Variants in RGL1 observed in about 807,000 individuals in gnomAD.
RGL1 encodes ral guanine nucleotide dissociation stimulator like 1.
In RGL1, 24 loss-of-function variants were observed where a neutral mutation model predicts 95.2. The ratio of observed to expected loss-of-function variants is 0.25; its 90% CI spans 0.18 to 0.35. The LOEUF is 0.35. RGL1 is among the 10% of genes least tolerant of loss of function. RGL1 has a pLI of 1.00. For missense variants in RGL1, 715 were observed against 936.3 expected, an observed-to-expected ratio of 0.76 and a Z score of 3.08; for synonymous variants, 329 against 344.9, an observed-to-expected ratio of 0.95 and a Z score of 0.51.
intron 4 of RGL1, among the ~76,000 whole-genome samples, chr1:183,875,362 T>C (rs745972442): frequency 6.6e-6 from 1 of 152,232 alleles, no homozygotes; most frequent in Admixed American, 6.5e-5. Context: ...AATGTTAATA[T>C]GATTTAATAC....
intron 17 of RGL1, among the ~76,000 whole-genome samples, chr1:183,922,579 C>T (rs1669376296): frequency 6.6e-6 from 1 of 152,174 alleles, no homozygotes; most frequent in African/African-American, 2.4e-5. Flanking sequence ...AGTATTTCTT[C>T]TGCCCAGTCT....
intron 1 of RGL1, among the ~76,000 whole-genome samples, chr1:183,686,446 C>G (rs1653592715): frequency 6.6e-6 from 1 of 151,562 alleles, no homozygotes; most frequent in African/African-American, 2.4e-5. Flanking sequence ...TTTTTGTCTG[C>G]TAAGATAACT....
intron 2 of RGL1, among the ~76,000 whole-genome samples, chr1:183,748,469 G>A (rs13374484): frequency 1.0e-3 from 134 of 133,994 alleles, no homozygotes; most frequent in Middle Eastern, 4.3e-3. Context: ...GCAGTGGCAC[G>A]ATCTCGGCTC....
chr1:183,904,899 G>C lies in RGL1; in HGVS notation c.1400G>C (p.Ser467Thr). The stretch of plus-strand genomic sequence containing the variant: ...AAGCTCTTACAGTCTGCCTGCAACA[G>C]CTATTGCATGACCCCAGACCAAAAG... ...QIKLLQSACNSYCMTPDQKFI... is the reference protein window; with the variant it reads ...QIKLLQSACNTYCMTPDQKFI... The change falls in exon 13 of 18, where the codon AGC (serine) becomes ACC (threonine). Residue 467 changes from serine to threonine, a missense_variant. Physicochemically the swap from Ser to Thr is moderately conservative, Grantham distance 58. Coordinates refer to ENST00000360851, the MANE Select transcript of RGL1 (RefSeq NM_001297671.3). The C allele has an allele frequency of 6.2e-7, 1 of 1,613,846 alleles. No individual in the cohort carries two copies. Among genetic ancestry groups the C allele is most frequent in the East Asian group, 2.2e-5 (1 of 44,876 alleles).
intron 1 of RGL1, among the ~76,000 whole-genome samples, chr1:183,736,668 A>G (rs1217008454): frequency 6.6e-6 from 1 of 152,218 alleles, no homozygotes; most frequent in African/African-American, 2.4e-5. Context: ...AGGAAGAGAG[A>G]ATGTAGGAGG....
chr1:183,911,945 A>G, intron 14 of RGL1, 137 bp from the exon 15 acceptor site: 2 of 712,082 alleles, frequency 2.8e-6, no homozygotes, highest in South Asian at 3.9e-5. Context: ...TTTATAGCGA[A>G]TGTCCTCCTA....
chr1:183,752,044 T>C (rs904273717), intron 2 of RGL1, among the ~76,000 whole-genome samples: 3 of 152,166 alleles, frequency 2.0e-5, no homozygotes, highest in Admixed American at 2.0e-4. Flanking sequence ...TTTTTGCCCA[T>C]ATGTAAGAGT....
chr1:183,909,209 A>G (rs763235919), intron 14 of RGL1, among the ~76,000 whole-genome samples: 1 of 152,220 alleles, frequency 6.6e-6, no homozygotes. Flanking sequence ...TTATTTTTCA[A>G]AAGATTTCAT....
chr1:183,737,009 T>A (rs1435799108), intron 1 of RGL1, among the ~76,000 whole-genome samples: 1 of 152,222 alleles, frequency 6.6e-6, no homozygotes, highest in Non-Finnish European at 1.5e-5. Flanking sequence ...TCTCATATGC[T>A]ATTTATTATA....
chr1:183,882,130 A>G (rs1433801323), intron 5 of RGL1, among the ~76,000 whole-genome samples: 1 of 152,252 alleles, frequency 6.6e-6, no homozygotes, highest in Non-Finnish European at 1.5e-5. Context: ...GCTCTCCTAT[A>G]TGTTTTTAAA....
intron 2 of RGL1, among the ~76,000 whole-genome samples, chr1:183,839,857 C>T (rs1311565412): frequency 6.6e-6 from 1 of 152,174 alleles, no homozygotes; most frequent in East Asian, 1.9e-4. Context: ...TCATAAGGGT[C>T]ATCGGTAACT....
chr1:183,884,516 G>A (rs1667005075), intron 6 of RGL1, among the ~76,000 whole-genome samples: 1 of 152,180 alleles, frequency 6.6e-6, no homozygotes, highest in Non-Finnish European at 1.5e-5. Context: ...GTGGAACAGG[G>A]TGGAGATTTT....
intron 2 of RGL1, among the ~76,000 whole-genome samples, chr1:183,838,030 C>A (rs1167930552): frequency 6.6e-6 from 1 of 152,094 alleles, no homozygotes; most frequent in Non-Finnish European, 1.5e-5. Context: ...TGCTACTGGT[C>A]CATGGTGCAG....
At chr1:183,690,818 T>C (rs2102110657) in intron 1 of RGL1, among the ~76,000 whole-genome samples, 1 of 152,344 alleles carries the variant, frequency 6.6e-6, no homozygotes, top group East Asian at 1.9e-4. Context: ...TTAATAGTTT[T>C]GCTTTTTATA....
intron 5 of RGL1, among the ~76,000 whole-genome samples, chr1:183,883,311 G>A (rs754952243): frequency 6.6e-5 from 10 of 152,208 alleles, no homozygotes; most frequent in East Asian, 1.9e-4. Flanking sequence ...TGAGGGCTTC[G>A]TCAGCATTTC....
intron 1 of RGL1, among the ~76,000 whole-genome samples, chr1:183,692,076 TCTGTGTAATATAC>T (rs1653977366): frequency 6.6e-6 from 1 of 151,152 alleles, no homozygotes; most frequent in Non-Finnish European, 1.5e-5. Flanking sequence ...ATTACATTAT[TCTGTGTAATATAC>T]TTTTTGAGTT....
intron 8 of RGL1, among the ~76,000 whole-genome samples, chr1:183,891,678 C>T (rs533399204): frequency 1.3e-5 from 2 of 150,228 alleles, no homozygotes; most frequent in South Asian, 4.2e-4. Context: ...CATCTCTAAA[C>T]TTAGGGGCCT....
At chr1:183,730,950 C>G (rs894418033) in intron 1 of RGL1, among the ~76,000 whole-genome samples, 1 of 152,088 alleles carries the variant, frequency 6.6e-6, no homozygotes, top group Non-Finnish European at 1.5e-5. Flanking sequence ...TTCTTTTTGT[C>G]CCGTCTGAAG....
intron 2 of RGL1, among the ~76,000 whole-genome samples, chr1:183,782,588 A>T (rs1437573476): frequency 6.6e-6 from 1 of 152,230 alleles, no homozygotes; most frequent in East Asian, 1.9e-4. Context: ...GGAATAGTAT[A>T]ATACACATGA....
Sources: gnomAD v4.1 joint callset for allele counts (sites outside exome capture counted in the v4.1 genomes callset) on GRCh38, gnomAD v4.1.1 for gene constraint, MANE v1.5 for transcripts, NCBI Gene and HGNC (gene_info 2026-07-23, HGNC 2026-07-21) for gene names.